DIS3L2: variants seen among roughly 807,000 people sequenced by gnomAD.
DIS3L2 encodes DIS3 like 3'-5' exoribonuclease 2, also known as DIS3-like exonuclease 2.
A neutral mutation model predicts 97.5 loss-of-function variants in DIS3L2; 34 were observed. The ratio of observed to expected loss-of-function variants is 0.35; its 90% CI spans 0.27 to 0.46. The LOEUF (loss-of-function observed/expected upper bound fraction) is 0.46, where lower values mean the gene tolerates loss of function less well. Ranked by LOEUF, DIS3L2 falls within the 20% of genes least tolerant of loss-of-function variation. The pLI, the probability that DIS3L2 is intolerant of heterozygous loss-of-function variation, is 1.00. For missense variants in DIS3L2, 1,038 were observed against 1,146.0 expected (o/e 0.91, Z 1.36); for synonymous variants, 435 against 445.2 (o/e 0.98, Z 0.29).
At chr2:232,200,790 T>G (rs934662082) in intron 9 of DIS3L2, among the ~76,000 whole-genome samples, 1 of 150,504 alleles carries the variant, frequency 6.6e-6, no homozygotes, top group South Asian at 2.1e-4. Flanking sequence ...GTTTTTTTTT[T>G]TTTTTTTTTT....
At chr2:232,176,757 T>C (rs1201145979) in intron 9 of DIS3L2, among the ~76,000 whole-genome samples, 2 of 149,982 alleles carry the variant, frequency 1.3e-5, no homozygotes, top group African/African-American at 4.9e-5. Context: ...CCCGGCTATT[T>C]TTTTTTAATT....
At chr2:232,144,145 TTAAC>T (rs1690150779) in intron 8 of DIS3L2, among the ~76,000 whole-genome samples, 1 of 152,174 alleles carries the variant, frequency 6.6e-6, no homozygotes, top group Non-Finnish European at 1.5e-5. Context: ...CCAGTGCTCA[TTAAC>T]TAAAGTTTTT....
chr2:232,117,512 G>A (rs541185259), intron 6 of DIS3L2, among the ~76,000 whole-genome samples: 1 of 152,266 alleles, frequency 6.6e-6, no homozygotes, highest in African/African-American at 2.4e-5. Context: ...ATTTTTTGAA[G>A]CCTGTTACCT....
intron 5 of DIS3L2, among the ~76,000 whole-genome samples, chr2:232,065,720 A>G (rs1189744474): frequency 2.6e-5 from 4 of 152,004 alleles, no homozygotes; most frequent in Admixed American, 1.3e-4. Context: ...CATAAAGCCT[A>G]TTTGGATTGC....
intron 8 of DIS3L2, among the ~76,000 whole-genome samples, chr2:232,140,443 A>G (rs957675534): frequency 5.9e-5 from 9 of 152,182 alleles, no homozygotes; most frequent in Non-Finnish European, 1.2e-4. Flanking sequence ...GTTGACTAGG[A>G]AGATGTTGCA....
chr2:232,313,534 G>A (rs1323895083), intron 14 of DIS3L2, among the ~76,000 whole-genome samples: 1 of 152,100 alleles, frequency 6.6e-6, no homozygotes, highest in Admixed American at 6.6e-5. Context: ...TGATTCCTTG[G>A]TAGAATATTG....
chr2:232,254,041 T>C (rs1693487990), intron 12 of DIS3L2, among the ~76,000 whole-genome samples: 1 of 152,158 alleles, frequency 6.6e-6, no homozygotes, highest in Non-Finnish European at 1.5e-5. Flanking sequence ...CTCATACATA[T>C]TTTAGTATGA....
At chr2:232,170,880 C>T (rs1027880414) in intron 9 of DIS3L2, among the ~76,000 whole-genome samples, 1 of 152,172 alleles carries the variant, frequency 6.6e-6, no homozygotes, top group African/African-American at 2.4e-5. Context: ...GAAATAGCAA[C>T]TTGAAAGGAG....
intron 14 of DIS3L2, among the ~76,000 whole-genome samples, chr2:232,313,971 T>TC (rs1695203778): frequency 6.6e-6 from 1 of 152,230 alleles, no homozygotes. Context: ...TTCAGTTATC[T>TC]CCCACCACGT....
At chr2:232,158,378 AGT>A (rs1559686989) in intron 8 of DIS3L2, among the ~76,000 whole-genome samples, 1 of 151,478 alleles carries the variant, frequency 6.6e-6, no homozygotes, top group Non-Finnish European at 1.5e-5. Flanking sequence ...CTGTCTGATG[AGT>A]GTCCTACTTT....
At chr2:232,314,782 C>G (rs1112411) in intron 14 of DIS3L2, among the ~76,000 whole-genome samples, 34,867 of 152,124 alleles carry the variant, frequency 0.23, 5,412 homozygotes, top group East Asian at 0.48. Flanking sequence ...AGCCTCCTGG[C>G]GCTGCAGCAA....
In DIS3L2 at chr2:232,249,239, G is replaced by C; in HGVS notation, c.1318G>C (p.Val440Leu). The change falls in exon 12 of 21, where the codon GTG becomes CTG. Residue 440 changes from valine (V) to leucine (L), a missense_variant and splice_region_variant. Val to Leu is a conservative substitution (Grantham distance 32, BLOSUM62 1). Around this residue, in one of 3 missense-constraint regions of DIS3L2, gnomAD observed 813 missense variants for 880.1 expected, o/e 0.92. Transcript: ENST00000325385. The stretch of plus-strand genomic sequence containing the variant: ...TCATGGGCCTGTGCTCTATTTACAG[G>C]TGGTCCCCATGCTTCCCAGGCTGCT... ...RATSVYLVQKVVPMLPRLLCE... is the reference protein window; with the variant it reads ...RATSVYLVQKLVPMLPRLLCE... 1 of 1,613,686 alleles carries C rather than the reference G, an allele frequency of 6.2e-7. No homozygotes were observed. The highest frequency in any genetic ancestry group is 8.5e-7 in the Non-Finnish European group (1 of 1,179,982).
intron 1 of DIS3L2, among the ~76,000 whole-genome samples, chr2:232,000,006 C>T (rs191251469): frequency 1.3e-5 from 2 of 152,122 alleles, no homozygotes; most frequent in Admixed American, 6.5e-5. Context: ...CCCTAGATAT[C>T]CACAGGGGAT....
intron 8 of DIS3L2, among the ~76,000 whole-genome samples, chr2:232,143,467 C>A (rs534203491): frequency 1.7e-4 from 26 of 152,234 alleles, no homozygotes; most frequent in Admixed American, 9.8e-4. Flanking sequence ...TTCTCTCTTA[C>A]AACTATTATT....
chr2:232,053,640 A>G (rs1404495903), intron 5 of DIS3L2, among the ~76,000 whole-genome samples: 1 of 152,228 alleles, frequency 6.6e-6, no homozygotes, highest in East Asian at 1.9e-4. Context: ...AATGGTTTAT[A>G]AAACTCAGGG....
chr2:232,142,672 C>T (rs1690095041), intron 8 of DIS3L2, among the ~76,000 whole-genome samples: 1 of 152,174 alleles, frequency 6.6e-6, no homozygotes. Flanking sequence ...AAACACCGTT[C>T]CTGAAGTCCC....
chr2:232,134,508 A>G (rs532418009), intron 7 of DIS3L2, among the ~76,000 whole-genome samples: 14 of 152,216 alleles, frequency 9.2e-5, no homozygotes, highest in African/African-American at 3.4e-4. Context: ...CAGCTTGGGT[A>G]AGAGGACTTG....
chr2:232,111,289 A>G (rs200402438), intron 6 of DIS3L2: 5 of 470,804 alleles, frequency 1.1e-5, no homozygotes, highest in South Asian at 6.2e-5. Context: ...TTGTACCTCT[A>G]TTAGTAGCAG....
intron 1 of DIS3L2, among the ~76,000 whole-genome samples, chr2:231,977,711 G>A (rs1693138509): frequency 6.6e-6 from 1 of 152,148 alleles, no homozygotes; most frequent in Admixed American, 6.5e-5. Flanking sequence ...ATACTCAATT[G>A]GACTCAGTGT....
Sources: allele counts gnomAD v4.1 joint callset (sites outside exome capture counted in the v4.1 genomes callset), GRCh38; gene constraint gnomAD v4.1.1; regional missense constraint gnomAD v4.1.1; transcripts MANE v1.5; gene names NCBI Gene and HGNC (gene_info 2026-07-23, HGNC 2026-07-21).